Variants in B3GNT5 observed in about 807,000 individuals in gnomAD.
The protein encoded by B3GNT5 is UDP-GlcNAc:betaGal beta-1,3-N-acetylglucosaminyltransferase 5.
In B3GNT5, 11 loss-of-function variants were observed where a neutral mutation model predicts 25.9. The ratio of observed to expected loss-of-function variants is 0.42; its 90% CI spans 0.27 to 0.70. The LOEUF (loss-of-function observed/expected upper bound fraction) is 0.70. Among genes scored for constraint, B3GNT5 ranks in the 30% least tolerant of loss-of-function variants. B3GNT5 has a pLI of 0.23. For synonymous variants in B3GNT5, 166 were observed against 158.6 expected, an observed-to-expected ratio of 1.05 and a Z score of -0.35; for missense variants, 385 against 458.4, an observed-to-expected ratio of 0.84 and a Z score of 1.46.
chr3:183,265,730 C>G (rs1225185366), intron 1 of B3GNT5, among the ~76,000 whole-genome samples: 3 of 152,204 alleles, frequency 2.0e-5, no homozygotes, highest in African/African-American at 7.2e-5. Context: ...AGGAGTTTTA[C>G]TTTTCCTAAA....
At position 183,272,836 on chromosome 3, in the gene B3GNT5, AT is replaced by A; in HGVS notation, c.*1902del. ...TTTAAGGTTGCCATTGGTTGAAAAC[AT>A]AAGTGTCTCTGGCCATCAAAGTGAT... On this transcript the variant is annotated 3_prime_UTR_variant, in exon 2 of 2. Coordinates refer to ENST00000326505, the MANE Select transcript of B3GNT5 (RefSeq NM_032047.5). 1 of 1,240,554 alleles carries A rather than the reference AT, an allele frequency of 8.1e-7. No individual in the cohort carries two copies. The highest frequency in any genetic ancestry group is 1.0e-6 in the Non-Finnish European group (1 of 980,172). The allele number at this position is 1,240,554 out of a possible 1,614,324, so 76.8% of individuals were successfully genotyped here.
At position 183,269,788 on chromosome 3, in the gene B3GNT5, C is replaced by G; in HGVS notation, c.-11C>G. ...AAAACTGATCCTAACTAAAAACAGA[C>G]TTGAGTGGATATGAGAATGTTGGTT... On this transcript the variant is annotated 5_prime_UTR_variant, in exon 2 of 2. Coordinates refer to ENST00000326505, the MANE Select transcript of B3GNT5 (RefSeq NM_032047.5). 6.3e-7 allele frequency: 1 copy of G among 1,590,378 alleles called. No individual in the cohort carries two copies. The highest frequency in any genetic ancestry group is 8.6e-7 in the Non-Finnish European group (1 of 1,169,470).
At chr3:183,257,182 T>C (rs1210565254) in intron 1 of B3GNT5, among the ~76,000 whole-genome samples, 1 of 152,218 alleles carries the variant, frequency 6.6e-6, no homozygotes, top group Non-Finnish European at 1.5e-5. Flanking sequence ...CAACAAGTTA[T>C]CTCAAATGAT....
intron 1 of B3GNT5, chr3:183,254,900 CAG>C (rs1376658024): frequency 6.6e-6 from 1 of 152,262 alleles, no homozygotes; most frequent in Non-Finnish European, 1.5e-5. Flanking sequence ...CCTGATGTGA[CAG>C]AGGCAATTGC....
In B3GNT5 at chr3:183,272,356, C is replaced by T. The variant is rs1415440948; in HGVS notation, c.*1421C>T. Reference sequence around the variant, plus strand: ...AAGAGTGACTGAACTCACTCTAAGGCCTTTGACTGCAGAGGCACCTGTTAG... The same window carrying T: ...AAGAGTGACTGAACTCACTCTAAGGTCTTTGACTGCAGAGGCACCTGTTAG... On this transcript the variant is annotated 3_prime_UTR_variant, in exon 2 of 2. Coordinates refer to ENST00000326505, the MANE Select transcript of B3GNT5 (RefSeq NM_032047.5). The T allele has an allele frequency of 1.0e-6, 1 of 1,000,146 alleles. No individual in the cohort carries two copies. Among genetic ancestry groups the T allele is most frequent in the Non-Finnish European group, 1.2e-6 (1 of 829,972 alleles). 62.0% of individuals were successfully genotyped at this position (1,000,146 alleles called of 1,614,324 possible).
chr3:183,257,236 A>G (rs1267713947), intron 1 of B3GNT5, among the ~76,000 whole-genome samples: 1 of 152,230 alleles, frequency 6.6e-6, no homozygotes, highest in Non-Finnish European at 1.5e-5. Flanking sequence ...AGTCGAGCTC[A>G]TGTGACTAGT....
chr3:183,257,994 G>A (rs953033791), intron 1 of B3GNT5, among the ~76,000 whole-genome samples: 4 of 96,246 alleles, frequency 4.2e-5, no homozygotes, highest in African/African-American at 5.5e-5. Context: ...TTGAGACGGA[G>A]TCTCGCTCTG....
rs3076576 is a variant in B3GNT5, at chr3:183,267,213, T to TAA, written c.-301-2275_-301-2274dup. 0.024 allele frequency among the ~76,000 whole-genome samples: 3,612 copies of TAA among 149,122 alleles called. 147 individuals are homozygous for TAA. Among genetic ancestry groups the TAA allele is most frequent in the African/African-American group, 0.081 (3,317 of 40,890 alleles). On this transcript the variant is annotated intron_variant, in intron 1 of 1. Coordinates refer to ENST00000326505, the MANE Select transcript of B3GNT5 (RefSeq NM_032047.5). The surrounding 1 kb of genome is among the most constrained non-coding windows in gnomAD (Gnocchi z 5.5). ...TACTACTCTCAGTACACTCTGTATT[T>TAA]AAAAAAAAAAATGCTGGTTGTGGCT...
At chr3:183,258,770 C>T (rs1725313786) in intron 1 of B3GNT5, among the ~76,000 whole-genome samples, 1 of 151,976 alleles carries the variant, frequency 6.6e-6, no homozygotes, top group Non-Finnish European at 1.5e-5. Context: ...AGATGGGTCT[C>T]ACTCTGTTGT....
rs2108388901 is a variant in B3GNT5 at position 183,253,277 on chromosome 3, G to A, written c.-497G>A. ...CGCATACAGCCCGCATCCCGCCGGG[G>A]AAGCGAGCCCAGTCCAGCGCTGCCC... On this transcript the variant is annotated 5_prime_UTR_variant, in exon 1 of 2. Transcript: ENST00000326505. The A allele has an allele frequency of 6.6e-6, 1 of 151,968 alleles. No individual in the cohort carries two copies. Among genetic ancestry groups the A allele is most frequent in the Middle Eastern group, 3.4e-3 (1 of 292 alleles). The allele number at this position is 151,968 out of a possible 1,614,324, so 9.4% of individuals were successfully genotyped here. A position where few individuals can be genotyped will look rare whatever the true frequency, so the allele number is the denominator to read the frequency against.
rs570717245 is a variant in B3GNT5, at chr3:183,272,208, T to C, written c.*1273T>C. The C allele has an allele frequency of 1.0e-6, 1 of 999,986 alleles. No homozygotes were observed. The highest frequency in any genetic ancestry group is 1.7e-5 in the African/African-American group (1 of 57,368). 61.9% of individuals were successfully genotyped at this position (999,986 alleles called of 1,614,324 possible). A position where few individuals can be genotyped will look rare whatever the true frequency, so the allele number is the denominator to read the frequency against. On this transcript the variant is annotated 3_prime_UTR_variant, in exon 2 of 2. Coordinates refer to ENST00000326505, the MANE Select transcript of B3GNT5 (RefSeq NM_032047.5). ...CTGAGATCTAATAGAGTAAGTTACA[T>C]TTATTTTACAAAGCAGGATAAAAAT...
At chr3:183,257,714 C>T (rs1323379623) in intron 1 of B3GNT5, among the ~76,000 whole-genome samples, 1 of 152,214 alleles carries the variant, frequency 6.6e-6, no homozygotes, top group Non-Finnish European at 1.5e-5. Flanking sequence ...CACTGGGCAA[C>T]AGGCAGACAC....
At position 183,270,207 on chromosome 3, in the gene B3GNT5, C is replaced by T. The variant is rs111341243; in HGVS notation, c.409C>T (p.Leu137=). The change falls in exon 2 of 2, where the codon CTG becomes TTG. Residue 137 remains leucine, a synonymous_variant. Transcript: ENST00000326505. The surrounding 1 kb of genome is among the most constrained non-coding windows in gnomAD (Gnocchi z 4.5). ...TLFALGTPNP[L]EGEELQRKLA... ...GTTTGCCTTAGGAACTCCTAATCCA[C>T]TGGAGGGAGAAGAACTACAAAGAAA... 8.7e-6 allele frequency: 14 copies of T among 1,614,160 alleles called. No homozygotes were observed. The highest frequency in any genetic ancestry group is 1.6e-4 in the Middle Eastern group (1 of 6,062).
At chr3:183,266,614 A>G (rs1348157656) in intron 1 of B3GNT5, among the ~76,000 whole-genome samples, 1 of 152,186 alleles carries the variant, frequency 6.6e-6, no homozygotes, top group Non-Finnish European at 1.5e-5. Flanking sequence ...AACTGAGAGA[A>G]AGTGGGCCCC....
chr3:183,254,631 C>T (rs993596505), intron 1 of B3GNT5: 1 of 152,158 alleles, frequency 6.6e-6, no homozygotes, highest in Non-Finnish European at 1.5e-5. Flanking sequence ...AGGCGAACGC[C>T]GCGCCCACCA....
In B3GNT5 at chr3:183,269,815, G is replaced by A. The variant is rs1405628347; in HGVS notation, c.17G>A (p.Ser6Asn). Residue 6 changes from serine (S) to asparagine (N), a missense_variant, in exon 2 of 2, where the codon AGT (serine) becomes AAT (asparagine). Ser to Asn is a conservative substitution (Grantham distance 46). Transcript: ENST00000326505. Reference protein sequence around the residue: MRMLVSGRRVKKWQLI... With the variant: MRMLVNGRRVKKWQLI... ...TGAGTGGATATGAGAATGTTGGTTA[G>A]TGGCAGAAGAGTCAAAAAATGGCAG... is the stretch of plus-strand genomic sequence containing the variant. The A allele has an allele frequency of 6.2e-7, 1 of 1,607,222 alleles. No homozygotes were observed. Among genetic ancestry groups the A allele is most frequent in the African/African-American group, 1.3e-5 (1 of 74,736 alleles).
chr3:183,264,882 T>C (rs2108430626), intron 1 of B3GNT5, among the ~76,000 whole-genome samples: 1 of 152,344 alleles, frequency 6.6e-6, no homozygotes, highest in South Asian at 2.1e-4. Flanking sequence ...TGAAAAGTAT[T>C]TGGGATCTGT....
In B3GNT5 at chr3:183,272,198, G is replaced by A; in HGVS notation, c.*1263G>A. ...AGAGATGTGTCTGAGATCTAATAGA[G>A]TAAGTTACATTTATTTTACAAAGCA... On this transcript the variant is annotated 3_prime_UTR_variant, in exon 2 of 2. Coordinates refer to ENST00000326505, the MANE Select transcript of B3GNT5 (RefSeq NM_032047.5). 3 of 999,948 alleles carry A rather than the reference G, an allele frequency of 3.0e-6. No individual in the cohort carries two copies. The highest frequency in any genetic ancestry group is 3.6e-6 in the Non-Finnish European group (3 of 829,932). The allele number at this position is 999,948 out of a possible 1,614,324, so 61.9% of individuals were successfully genotyped here.
intron 1 of B3GNT5, among the ~76,000 whole-genome samples, chr3:183,269,248 TAA>T (rs1560386971): frequency 6.7e-6 from 1 of 149,354 alleles, no homozygotes; most frequent in African/African-American, 2.5e-5. Context: ...TTTTTTTTTT[TAA>T]GAGTAGGAGT....
Sources: gnomAD v4.1 joint callset for allele counts (sites outside exome capture counted in the v4.1 genomes callset) on GRCh38, gnomAD v4.1.1 for gene constraint, Gnocchi (gnomAD v3.1) non-coding constraint, MANE v1.5 for transcripts, NCBI Gene and HGNC (gene_info 2026-07-23, HGNC 2026-07-21) for gene names.